Variants in TAP1 observed in about 807,000 individuals in gnomAD.
TAP1 encodes antigen peptide transporter 1.
In TAP1, 56 loss-of-function variants were observed where a neutral mutation model predicts 79.3. That is an observed-to-expected ratio of 0.71 (90% CI 0.57 to 0.88). The LOEUF is 0.88. TAP1 is among the 40% of genes least tolerant of loss of function. The pLI is 0.00. For synonymous variants in TAP1, 355 were observed against 401.4 expected (o/e 0.88, Z 1.38); for missense variants, 737 against 936.3 (o/e 0.79, Z 2.78).
At chr6:32,848,375 A>C (rs1424007652) in intron 7 of TAP1, 3 of 622,930 alleles carry the variant, frequency 4.8e-6, no homozygotes, top group Non-Finnish European at 8.4e-6. Context: ...TACAAAGGAA[A>C]AGGAAAGATG....
rs1242460012 is a variant in TAP1 at position 32,848,024 on chromosome 6, G to A, written c.1635C>T (p.Ser545=). The change falls in exon 8 of 11, where the codon AGC becomes AGT. Residue 545 remains serine, a synonymous_variant. Transcript: ENST00000354258. The part of the protein sequence containing the change: ...ALVGPNGSGK[S]TVAALLQNLY... ...GATTCTGCAGCAGGGCAGCCACTGT[G>A]CTCTTCCCAGACCCATTGGGTCCCA... 6.2e-7 allele frequency: 1 copy of A among 1,612,984 alleles called. No individual in the cohort carries two copies. The highest frequency in any genetic ancestry group is 8.5e-7 in the Non-Finnish European group (1 of 1,180,024).
At chr6:32,849,883 T>C in intron 5 of TAP1, 1 of 220,508 alleles carries the variant, frequency 4.5e-6, no homozygotes, top group Non-Finnish European at 9.2e-6. Context: ...AGCCAGGATC[T>C]TCGGATCACT....
chr6:32,850,153 G>A lies in TAP1; in HGVS notation c.1248+167C>T. On this transcript the variant is annotated intron_variant, in intron 5 of 10. Transcript: ENST00000354258. This position sits in a 1 kb window ranked among gnomAD's most constrained non-coding sequence, Gnocchi z 5.5. ...ACCTAGCATCTTTAAAGAGAGGGAG[G>A]GGGCTAGGGACACTGAGTAGAGTCA... The A allele has an allele frequency of 1.4e-6, 1 of 721,388 alleles. No homozygotes were observed. Among genetic ancestry groups the A allele is most frequent in the Non-Finnish European group, 2.5e-6 (1 of 407,974 alleles). The allele number at this position is 721,388 out of a possible 1,614,324, so 44.7% of individuals were successfully genotyped here.
Position 32,852,628 on chromosome 6 carries a change from A to C in TAP1, c.599-126T>G. ...TGGAGGGCATCAGCAGAAAGGAAAC[A>C]CTGACGTCTCAATCCCGAACCTAAA... On this transcript the variant is annotated intron_variant, in intron 1 of 10. Transcript: ENST00000354258. The surrounding 1 kb of genome is among the most constrained non-coding windows in gnomAD (Gnocchi z 4.8). The C allele has an allele frequency of 6.5e-7, 1 of 1,545,494 alleles. No homozygotes were observed. The highest frequency in any genetic ancestry group is 8.7e-7 in the Non-Finnish European group (1 of 1,146,498).
chr6:32,850,110 C>A lies in TAP1; in HGVS notation c.1248+210G>T. On this transcript the variant is annotated intron_variant, in intron 5 of 10. Transcript: ENST00000354258. The surrounding 1 kb of genome is among the most constrained non-coding windows in gnomAD (Gnocchi z 5.5). ...CACATGGTTGGGTGGATTTTATGTACCATACTGAAAGGAAGCCACCTAGCA... is the reference window on the plus strand; with the variant it reads ...CACATGGTTGGGTGGATTTTATGTAACATACTGAAAGGAAGCCACCTAGCA... The A allele has an allele frequency of 1.5e-6, 1 of 646,688 alleles. No individual in the cohort carries two copies. The highest frequency in any genetic ancestry group is 1.8e-5 in the South Asian group (1 of 57,034). The allele number at this position is 646,688 out of a possible 1,614,324, so 40.1% of individuals were successfully genotyped here.
At chr6:32,846,075 C>A (rs13215) in intron 10 of TAP1, 33,056 of 512,654 alleles carry the variant, frequency 0.064, 1,573 homozygotes, top group African/African-American at 0.17. Flanking sequence ...ATGGACTTGG[C>A]ATTTTTATAT....
chr6:32,849,557 C>A (rs920483704), intron 5 of TAP1: 1 of 205,866 alleles, frequency 4.9e-6, no homozygotes, highest in South Asian at 6.9e-5. Flanking sequence ...CTGGCTAACA[C>A]GGAGAAACCT....
Position 32,850,534 on chromosome 6 carries a change from A to G in TAP1, c.1051-17T>C. ...TTCCAGCAACTGTGGATACATGGAC[A>G]AGAGATGTCACACGGGTTGGCAAAC... On this transcript the variant is annotated splice_polypyrimidine_tract_variant and intron_variant, in intron 4 of 10. Transcript: ENST00000354258. This position sits in a 1 kb window ranked among gnomAD's most constrained non-coding sequence, Gnocchi z 5.5. 6.2e-7 allele frequency: 1 copy of G among 1,608,106 alleles called. No homozygotes were observed. Among genetic ancestry groups the G allele is most frequent in the Non-Finnish European group, 8.5e-7 (1 of 1,179,488 alleles).
chr6:32,846,910 T>G (rs1770455342), intron 10 of TAP1, among the ~76,000 whole-genome samples, 158 bp downstream of exon 10: 1 of 152,166 alleles, frequency 6.6e-6, no homozygotes, highest in Non-Finnish European at 1.5e-5. Context: ...TCGTCTTCTA[T>G]CTCTACTCCT....
Position 32,845,778 on chromosome 6 carries a change from T to C in TAP1, c.2048A>G (p.Gln683Arg), listed in dbSNP as rs371497747. 9 of 1,611,402 alleles carry C rather than the reference T, an allele frequency of 5.6e-6. No individual in the cohort carries two copies. In the African/African-American group the frequency reaches 1.1e-4, roughly 19 times the overall value. Residue 683 changes from glutamine to arginine, a missense_variant, in exon 11 of 11, where the codon CAG (glutamine) becomes CGG (arginine). Around this residue, in one of 5 missense-constraint regions of TAP1, gnomAD observed 266 missense variants for 332.4 expected, o/e 0.80. Coordinates refer to ENST00000354258, the MANE Select transcript of TAP1 (RefSeq NM_000593.6). This position sits in a 1 kb window ranked among gnomAD's most constrained non-coding sequence, Gnocchi z 4.5. Reference sequence around the variant, plus strand: ...CCGCTCAGGGCTTTCGTACAGGAGCTGCTCCACCTGAGGAAAGACATCGGA... The same window carrying C: ...CCGCTCAGGGCTTTCGTACAGGAGCCGCTCCACCTGAGGAAAGACATCGGA... The part of the protein sequence containing the change: ...LDANSQLQVE[Q>R]LLYESPERYS...
intron 7 of TAP1, among the ~76,000 whole-genome samples, chr6:32,848,392 C>G (rs1007400006): frequency 7.9e-5 from 12 of 152,180 alleles, no homozygotes; most frequent in African/African-American, 2.7e-4. Context: ...GATGGAAGAC[C>G]GAAGACACAG....
chr6:32,848,717 C>T lies in TAP1; in HGVS notation c.1501G>A (p.Gly501Ser), dbSNP rs1200998086. The part of the protein sequence containing the change: ...SGLLTPLHLE[G>S]LVQFQDVSFA... ...GAGACATCTTGGAACTGGACAAGGCCCTCCAAGTGTAAGGGAGTCAACAGA... is the reference window on the plus strand; with the variant it reads ...GAGACATCTTGGAACTGGACAAGGCTCTCCAAGTGTAAGGGAGTCAACAGA... Residue 501 changes from glycine (G) to serine (S), a missense_variant, in exon 7 of 11, where the codon GGC becomes AGC. Physicochemically the swap from Gly to Ser is moderately conservative, Grantham distance 56 (BLOSUM62 0). Transcript: ENST00000354258. 5 of 1,613,896 alleles carry T rather than the reference C, an allele frequency of 3.1e-6. No homozygotes were observed. The highest frequency in any genetic ancestry group is 4.2e-6 in the Non-Finnish European group (5 of 1,180,004).
In TAP1 at chr6:32,851,924, TGAGAGAGA is replaced by T. The variant is rs35429362; in HGVS notation, c.844+177_844+184del. Among the ~76,000 whole-genome samples, 4 of 147,336 alleles carry T rather than the reference TGAGAGAGA, an allele frequency of 2.7e-5. No homozygotes were observed. The highest frequency in any genetic ancestry group is 7.5e-5 in the African/African-American group (3 of 39,762). On this transcript the variant is annotated intron_variant, in intron 3 of 10. Coordinates refer to ENST00000354258, the MANE Select transcript of TAP1 (RefSeq NM_000593.6). This position sits in a 1 kb window ranked among gnomAD's most constrained non-coding sequence, Gnocchi z 4.8. Reference sequence around the variant, plus strand: ...AAAAACAATTGTGTGTGTGTGTGTGTGAGAGAGAGAGAGAGAGAGACAGAGACAGAGAG... The same window carrying T: ...AAAAACAATTGTGTGTGTGTGTGTGTGAGAGAGAGAGACAGAGACAGAGAG...
chr6:32,846,916 C>T (rs868028559), intron 10 of TAP1, 152 bp downstream of exon 10: 22 of 1,109,312 alleles, frequency 2.0e-5, no homozygotes, highest in Non-Finnish European at 2.8e-5. Flanking sequence ...TCTATCTCTA[C>T]TCCTTGGGGA....
chr6:32,845,958 A>C lies in TAP1; in HGVS notation c.2041-173T>G. ...TTCTCCGCAAACCCTTTGTTTCATT[A>C]AGGACTGTTTTACATGAAGGGTGCA... On this transcript the variant is annotated intron_variant, in intron 10 of 10. Transcript: ENST00000354258. This position sits in a 1 kb window ranked among gnomAD's most constrained non-coding sequence, Gnocchi z 4.5. 1.5e-6 allele frequency: 1 copy of C among 659,742 alleles called. No individual in the cohort carries two copies. Among genetic ancestry groups the C allele is most frequent in the Non-Finnish European group, 2.8e-6 (1 of 363,080 alleles). The allele number at this position is 659,742 out of a possible 1,614,324, so 40.9% of individuals were successfully genotyped here. A position where few individuals can be genotyped will look rare whatever the true frequency, so the allele number is the denominator to read the frequency against.
chr6:32,850,585 A>T lies in TAP1; in HGVS notation c.1051-68T>A. ...CATCAGGGACACTAATACCTGAGTTACCTATTTGGAAATTAAAGGTGAGAA... is the reference window on the plus strand; with the variant it reads ...CATCAGGGACACTAATACCTGAGTTTCCTATTTGGAAATTAAAGGTGAGAA... On this transcript the variant is annotated intron_variant, in intron 4 of 10. Coordinates refer to ENST00000354258, the MANE Select transcript of TAP1 (RefSeq NM_000593.6). The surrounding 1 kb of genome is among the most constrained non-coding windows in gnomAD (Gnocchi z 5.5). 1 of 1,381,198 alleles carries T rather than the reference A, an allele frequency of 7.2e-7. No individual in the cohort carries two copies. Among genetic ancestry groups the T allele is most frequent in the Non-Finnish European group, 1.0e-6 (1 of 983,858 alleles). 85.6% of individuals were successfully genotyped at this position (1,381,198 alleles called of 1,614,324 possible).
Position 32,850,997 on chromosome 6 carries a change from T to C in TAP1, c.997A>G (p.Ile333Val), listed in dbSNP as rs1057141. The C allele has an allele frequency of 0.18, 284,331 of 1,612,592 alleles. 26,484 individuals carry two copies. Among genetic ancestry groups the C allele is most frequent in the South Asian group, 0.28 (25,087 of 91,070 alleles). The change falls in exon 4 of 11, where the codon ATC becomes GTC. Residue 333 changes from isoleucine to valine, a missense_variant. This residue lies in a region of TAP1 where 406 missense variants were observed against 477.2 expected (regional missense o/e 0.85). Transcript: ENST00000354258. The surrounding 1 kb of genome is among the most constrained non-coding windows in gnomAD (Gnocchi z 5.5). ...GSVSLTMVTL[I>V]TLPLLFLLPK... ...AGAAGGAAAAGCAGAGGCAGGGTGA[T>C]CAGGGTGACCATGGTGAGGGACACT... is the stretch of plus-strand genomic sequence containing the variant.
At chr6:32,846,691 C>T (rs190889347) in intron 10 of TAP1, among the ~76,000 whole-genome samples, 2 of 152,134 alleles carry the variant, frequency 1.3e-5, no homozygotes, top group East Asian at 3.9e-4. Context: ...TAGTGGTGTA[C>T]ACCTGTAGTC....
Position 32,853,335 on chromosome 6 carries a change from G to A in TAP1, c.302C>T (p.Ala101Val), listed in dbSNP as rs375437555. 149 of 1,581,130 alleles carry A rather than the reference G, an allele frequency of 9.4e-5. 1 individual carries two copies. The highest frequency in any genetic ancestry group is 1.3e-4 in the Admixed American group (7 of 54,542). ...TCCCGGCAGGGCCAAGCCCAGTGCC[G>A]CAGCTAATGGCTTCAAAGCAGCCAG... ...GWLAALKPLAAALGLALPGLA... is the reference protein window; with the variant it reads ...GWLAALKPLAVALGLALPGLA... Residue 101 changes from alanine (A) to valine (V), a missense_variant, in exon 1 of 11, where the codon GCG becomes GTG. By Grantham distance (64) the Ala-to-Val change is moderately conservative. Transcript: ENST00000354258. This position sits in a 1 kb window ranked among gnomAD's most constrained non-coding sequence, Gnocchi z 8.3.
Sources: allele counts gnomAD v4.1 joint callset (sites outside exome capture counted in the v4.1 genomes callset), GRCh38; gene constraint gnomAD v4.1.1; regional missense constraint gnomAD v4.1.1; non-coding constraint Gnocchi (gnomAD v3.1); transcripts MANE v1.5; gene names NCBI Gene and HGNC (gene_info 2026-07-23, HGNC 2026-07-21).